The following PJA2 variants were observed in gnomAD, a reference collection of about 807,000 sequenced individuals.
PJA2 encodes praja ring finger ubiquitin ligase 2, also known as E3 ubiquitin-protein ligase Praja-2.
A neutral mutation model predicts 69.3 loss-of-function variants in PJA2; 25 were observed. That is an observed-to-expected ratio of 0.36 (90% confidence interval 0.26 to 0.50). PJA2 has a LOEUF of 0.50. PJA2 is among the 20% of genes least tolerant of loss of function. The pLI, the probability that PJA2 is intolerant of heterozygous loss-of-function variation, is 0.96. For synonymous variants in PJA2, 308 were observed against 277.8 expected (o/e 1.11, Z -1.08); for missense variants, 809 against 830.2 (o/e 0.97, Z 0.31).
chr5:109,335,823 A>G lies in PJA2; in HGVS notation c.*1408T>C, dbSNP rs1242980906. On this transcript the variant is annotated 3_prime_UTR_variant, in exon 10 of 10. Transcript: ENST00000361189. ...GTCACAGAAGCCCCAAAGAACTCCT[A>G]AATTACAAATTCATCACATTACATG... is the stretch of plus-strand genomic sequence containing the variant. 1.3e-5 allele frequency: 2 copies of G among 152,606 alleles called. No individual in the cohort carries two copies. The highest frequency in any genetic ancestry group is 3.8e-4 in the East Asian group (2 of 5,204). The allele number at this position is 152,606 out of a possible 1,614,324, so 9.5% of individuals were successfully genotyped here.
At chr5:109,405,036 T>C (rs928828621) in intron 1 of PJA2, among the ~76,000 whole-genome samples, 5 of 152,192 alleles carry the variant, frequency 3.3e-5, no homozygotes, top group Non-Finnish European at 5.9e-5. Context: ...ATTGTCTACA[T>C]AGGACAATTC....
chr5:109,383,545 A>G, intron 1 of PJA2, 25 bp from the exon 2 acceptor site: 1 of 828,426 alleles, frequency 1.2e-6, no homozygotes, highest in Non-Finnish European at 1.9e-6. Context: ...TGAATTGAAC[A>G]ATATATTAAT....
chr5:109,361,680 A>T (rs1368733822), intron 6 of PJA2, among the ~76,000 whole-genome samples: 3 of 152,252 alleles, frequency 2.0e-5, no homozygotes, highest in East Asian at 3.8e-4. Context: ...AAAGCCACTT[A>T]TTCTCCATAA....
chr5:109,398,892 C>G (rs113889577), intron 1 of PJA2, among the ~76,000 whole-genome samples: 2 of 152,110 alleles, frequency 1.3e-5, no homozygotes, highest in Admixed American at 6.5e-5. Context: ...GGGGAAGGAG[C>G]AGAAAATCTC....
At chr5:109,396,583 C>T (rs1462584548) in intron 1 of PJA2, among the ~76,000 whole-genome samples, 2 of 151,274 alleles carry the variant, frequency 1.3e-5, no homozygotes, top group Non-Finnish European at 2.9e-5. Flanking sequence ...TGCGCCACCA[C>T]GTCCCGCTAA....
intron 4 of PJA2, among the ~76,000 whole-genome samples, chr5:109,377,590 G>C (rs559274583): frequency 2.0e-5 from 3 of 152,296 alleles, no homozygotes; most frequent in African/African-American, 7.2e-5. Flanking sequence ...TCAAAGTCCA[G>C]CTCTACCATT....
At chr5:109,371,752 C>T (rs1288152435) in intron 4 of PJA2, among the ~76,000 whole-genome samples, 5 of 152,192 alleles carry the variant, frequency 3.3e-5, no homozygotes. Context: ...AAGCCATTTG[C>T]CTATCACTCT....
chr5:109,390,232 G>A (rs1232056399), intron 1 of PJA2, among the ~76,000 whole-genome samples: 3 of 151,748 alleles, frequency 2.0e-5, no homozygotes, highest in African/African-American at 7.3e-5. Flanking sequence ...TTTCTTTTTA[G>A]CTATTTTAGC....
intron 3 of PJA2, among the ~76,000 whole-genome samples, chr5:109,379,779 C>T (rs1045606838): frequency 1.3e-5 from 2 of 152,048 alleles, no homozygotes; most frequent in African/African-American, 4.8e-5. Context: ...CTCAGTATCT[C>T]GACAGATTAT....
intron 9 of PJA2, among the ~76,000 whole-genome samples, chr5:109,338,359 G>A (rs562401783): frequency 6.6e-6 from 1 of 152,198 alleles, no homozygotes; most frequent in South Asian, 2.1e-4. Context: ...TCCATTTCAG[G>A]CCAGGCACGG....
At chr5:109,361,035 G>C (rs754716667) in intron 6 of PJA2, among the ~76,000 whole-genome samples, 1 of 152,136 alleles carries the variant, frequency 6.6e-6, no homozygotes, top group Admixed American at 6.5e-5. Flanking sequence ...GGCTGGGGCA[G>C]GAAAATCACT....
intron 6 of PJA2, 81 bp downstream of exon 6, chr5:109,362,759 C>G (rs1283054904): frequency 1.5e-6 from 2 of 1,331,758 alleles, no homozygotes; most frequent in African/African-American, 2.9e-5. Flanking sequence ...TATTTCTCAG[C>G]TAGCAGAGAT....
intron 5 of PJA2, among the ~76,000 whole-genome samples, chr5:109,368,334 G>A (rs1421528001): frequency 6.6e-6 from 1 of 152,058 alleles, no homozygotes. Context: ...TCTTATTAAA[G>A]CCAAGTGGAG....
chr5:109,342,335 C>T (rs1223885577), intron 9 of PJA2, among the ~76,000 whole-genome samples: 12 of 115,496 alleles, frequency 1.0e-4, no homozygotes, highest in African/African-American at 3.8e-4. Flanking sequence ...GTGGGGGGAT[C>T]GGCCCCCCGC....
chr5:109,343,937 A>G (rs1185288925), intron 9 of PJA2, among the ~76,000 whole-genome samples: 1 of 151,488 alleles, frequency 6.6e-6, no homozygotes, highest in Non-Finnish European at 1.5e-5. Flanking sequence ...CTCTACTAAA[A>G]ATACAAAAAA....
At chr5:109,373,615 G>A (rs1762712509) in intron 4 of PJA2, among the ~76,000 whole-genome samples, 1 of 152,158 alleles carries the variant, frequency 6.6e-6, no homozygotes, top group Admixed American at 6.5e-5. Context: ...ATGGAACAGT[G>A]AAGATCCATT....
At chr5:109,357,821 G>A (rs923640486) in intron 6 of PJA2, among the ~76,000 whole-genome samples, 12 of 152,186 alleles carry the variant, frequency 7.9e-5, no homozygotes, top group African/African-American at 2.7e-4. Context: ...AACATAAATT[G>A]TGTCTTCCTT....
At position 109,378,681 on chromosome 5, in the gene PJA2, T is replaced by G. The variant is rs905340728; in HGVS notation, c.806A>C (p.Gln269Pro). The G allele has an allele frequency of 8.1e-6, 13 of 1,613,906 alleles. No homozygotes were observed. Among genetic ancestry groups the G allele is most frequent in the Non-Finnish European group, 1.1e-5 (13 of 1,180,014 alleles). ...SSQDEMVSTK[Q>P]QNNTSQERQT... is the part of the protein sequence containing the mutation. ...TCTTTCCTGGCTAGTATTATTTTGT[T>G]GTTTCGTACTAACCATTTCATCTTG... The change falls in exon 4 of 10, where the codon CAA becomes CCA. Residue 269 changes from glutamine (Q) to proline (P), a missense_variant. By Grantham distance (76) the Gln-to-Pro change is moderately conservative. Transcript: ENST00000361189.
At chr5:109,405,011 T>C (rs1747649821) in intron 1 of PJA2, among the ~76,000 whole-genome samples, 2 of 152,200 alleles carry the variant, frequency 1.3e-5, no homozygotes, top group Admixed American at 6.5e-5. Flanking sequence ...CTGATCTATA[T>C]TTGCAAATAA....
Sources: allele counts gnomAD v4.1 joint callset (sites outside exome capture counted in the v4.1 genomes callset), GRCh38; gene constraint gnomAD v4.1.1; transcripts MANE v1.5; gene names NCBI Gene and HGNC (gene_info 2026-07-23, HGNC 2026-07-21).